PPP2R2A: variants seen among roughly 807,000 people sequenced by gnomAD.
PPP2R2A encodes the protein serine/threonine-protein phosphatase 2A 55 kDa regulatory subunit B alpha isoform.
Under a neutral mutation model 53.2 loss-of-function variants are expected in PPP2R2A, and 9 were observed. The ratio of observed to expected loss-of-function variants is 0.17; its 90% CI spans 0.10 to 0.30. PPP2R2A has a LOEUF of 0.30. PPP2R2A is among the 10% of genes least tolerant of loss of function. The pLI is 1.00. For missense variants in PPP2R2A, 235 were observed against 534.6 expected (o/e 0.44, Z 5.53); for synonymous variants, 169 against 174.2 (o/e 0.97, Z 0.23).
intron 3 of PPP2R2A, among the ~76,000 whole-genome samples, chr8:26,352,868 C>T (rs1467935026): frequency 6.6e-6 from 1 of 152,174 alleles, no homozygotes; most frequent in Non-Finnish European, 1.5e-5. Context: ...AGACCATAAC[C>T]AGTTTCTACT....
chr8:26,314,905 A>G (rs1314902645), intron 2 of PPP2R2A, among the ~76,000 whole-genome samples: 1 of 16,926 alleles, frequency 5.9e-5, no homozygotes, highest in Non-Finnish European at 1.1e-4. Context: ...CCCCCCCCCA[A>G]CTATTTTCCA....
At chr8:26,356,389 C>G (rs1467266479) in intron 4 of PPP2R2A, among the ~76,000 whole-genome samples, 1 of 152,164 alleles carries the variant, frequency 6.6e-6, no homozygotes, top group Non-Finnish European at 1.5e-5. Context: ...GATGCGTACC[C>G]TCTGCCTTCT....
chr8:26,329,252 A>G (rs574448626), intron 2 of PPP2R2A, among the ~76,000 whole-genome samples: 2 of 152,206 alleles, frequency 1.3e-5, no homozygotes, highest in East Asian at 1.9e-4. Context: ...TCTTAATTGC[A>G]TACCTTTTTA....
intron 8 of PPP2R2A, chr8:26,365,636 T>C (rs906655917): frequency 3.9e-5 from 6 of 152,164 alleles, no homozygotes; most frequent in Non-Finnish European, 8.8e-5. Flanking sequence ...TTGAAATATG[T>C]CATATTTCTC....
At position 26,338,738 on chromosome 8, in the gene PPP2R2A, T is replaced by G. The variant is rs1230147077; in HGVS notation, c.83-152T>G. 2 of 442,394 alleles carry G rather than the reference T, an allele frequency of 4.5e-6. No individual in the cohort carries two copies. Among genetic ancestry groups the G allele is most frequent in the Non-Finnish European group, 8.1e-6 (2 of 247,014 alleles). The allele number at this position is 442,394 out of a possible 1,614,324, so 27.4% of individuals were successfully genotyped here. On this transcript the variant is annotated intron_variant, in intron 2 of 9. Coordinates refer to ENST00000380737, the MANE Select transcript of PPP2R2A (RefSeq NM_002717.4). The surrounding 1 kb of genome is among the most constrained non-coding windows in gnomAD (Gnocchi z 4.5). ...TGGATCAAAATATTTATGAAAGAAC[T>G]TTAGATTCATGTTATTTCTGATGGG...
chr8:26,325,260 GC>G (rs1803030356), intron 2 of PPP2R2A, among the ~76,000 whole-genome samples: 2 of 151,962 alleles, frequency 1.3e-5, no homozygotes, highest in East Asian at 3.9e-4. Context: ...AATCATGGGG[GC>G]TGGTCTTTGC....
intron 2 of PPP2R2A, among the ~76,000 whole-genome samples, chr8:26,314,809 T>C (rs1304854787): frequency 3.9e-5 from 6 of 151,940 alleles, no homozygotes; most frequent in African/African-American, 7.3e-5. Context: ...TTCTGTTTTT[T>C]CCTTCTCTGT....
chr8:26,363,372 G>T, intron 7 of PPP2R2A: 1 of 188,490 alleles, frequency 5.3e-6, no homozygotes, highest in Non-Finnish European at 1.1e-5. Context: ...GGATGGGCGA[G>T]GATGGTGTGT....
At chr8:26,299,109 A>ATTTTAATTTT (rs1801669736) in intron 2 of PPP2R2A, among the ~76,000 whole-genome samples, 3 of 152,180 alleles carry the variant, frequency 2.0e-5, no homozygotes, top group Admixed American at 1.3e-4. Context: ...CCTTTTCTCT[A>ATTTTAATTTT]CAAAAATTAA....
chr8:26,368,931 C>T (rs537339696), intron 9 of PPP2R2A, among the ~76,000 whole-genome samples: 2 of 152,016 alleles, frequency 1.3e-5, no homozygotes, highest in Non-Finnish European at 2.9e-5. Flanking sequence ...GTGGTGAAAC[C>T]CTGTCTCTAC....
intron 2 of PPP2R2A, among the ~76,000 whole-genome samples, chr8:26,337,618 C>T (rs920041930): frequency 4.6e-5 from 7 of 152,196 alleles, no homozygotes; most frequent in Admixed American, 3.9e-4. Context: ...CCAGTATATT[C>T]AGTTTTACGC....
intron 2 of PPP2R2A, among the ~76,000 whole-genome samples, chr8:26,311,671 C>T (rs1802296963): frequency 6.6e-6 from 1 of 152,140 alleles, no homozygotes; most frequent in Non-Finnish European, 1.5e-5. Context: ...CGTAGCATGA[C>T]CCTGTCTCTG....
intron 2 of PPP2R2A, among the ~76,000 whole-genome samples, chr8:26,336,424 A>G (rs918368896): frequency 6.6e-6 from 1 of 151,932 alleles, no homozygotes; most frequent in Non-Finnish European, 1.5e-5. Flanking sequence ...GCGAAACCCC[A>G]TCTCAAAAAA....
rs1286748414 is a variant in PPP2R2A, at chr8:26,355,770, T to C, written c.346+1137T>C. On this transcript the variant is annotated intron_variant, in intron 4 of 9. Coordinates refer to ENST00000380737, the MANE Select transcript of PPP2R2A (RefSeq NM_002717.4). ...GTTCCAGCTACTGGGGCGGGGGTGC[T>C]GAGGCAGGAGAATGGGGTGAACCTG... Among the ~76,000 whole-genome samples the C allele has an allele frequency of 4.6e-5, 7 of 150,678 alleles. No homozygotes were observed. In the South Asian group the frequency reaches 1.3e-3, roughly 27 times the overall value.
At chr8:26,369,691 C>T (rs897735122) in intron 9 of PPP2R2A, among the ~76,000 whole-genome samples, 4 of 152,112 alleles carry the variant, frequency 2.6e-5, no homozygotes, top group African/African-American at 9.7e-5. Context: ...TGCGCCCGGC[C>T]CAAAAAATGT....
chr8:26,299,178 A>G (rs1801672322), intron 2 of PPP2R2A, among the ~76,000 whole-genome samples: 1 of 151,968 alleles, frequency 6.6e-6, no homozygotes, highest in South Asian at 2.1e-4. Context: ...GGAGGCTGAG[A>G]CTTGAGCCTG....
intron 3 of PPP2R2A, among the ~76,000 whole-genome samples, chr8:26,351,744 C>G (rs1804525856): frequency 6.6e-6 from 1 of 152,198 alleles, no homozygotes; most frequent in Non-Finnish European, 1.5e-5. Flanking sequence ...AGGCCTGTTT[C>G]TGGGCCATCT....
At chr8:26,348,544 C>T (rs1804336706) in intron 3 of PPP2R2A, among the ~76,000 whole-genome samples, 1 of 152,068 alleles carries the variant, frequency 6.6e-6, no homozygotes, top group Admixed American at 6.6e-5. Flanking sequence ...ACTTGGGTCC[C>T]CTCCCTAAGA....
intron 2 of PPP2R2A, among the ~76,000 whole-genome samples, chr8:26,301,913 C>T (rs1386052648): frequency 6.6e-6 from 1 of 152,118 alleles, no homozygotes; most frequent in Non-Finnish European, 1.5e-5. Flanking sequence ...TCTTCATTAC[C>T]ATGTACTAGC....
Sources: gnomAD v4.1 joint callset for allele counts (sites outside exome capture counted in the v4.1 genomes callset) on GRCh38, gnomAD v4.1.1 for gene constraint, Gnocchi (gnomAD v3.1) non-coding constraint, MANE v1.5 for transcripts, NCBI Gene and HGNC (gene_info 2026-07-23, HGNC 2026-07-21) for gene names.